Variants in SLC44A5 observed in about 807,000 individuals in gnomAD.
SLC44A5 encodes the protein choline transporter-like protein 5.
Under a neutral mutation model 101.8 loss-of-function variants are expected in SLC44A5, and 57 were observed. That is an observed-to-expected ratio of 0.56 (90% confidence interval 0.45 to 0.70). The LOEUF is 0.70. SLC44A5 is among the 30% of genes least tolerant of loss of function. The pLI is 0.00. For missense variants in SLC44A5, 737 were observed against 853.1 expected, an observed-to-expected ratio of 0.86 and a Z score of 1.70; for synonymous variants, 281 against 290.9, an observed-to-expected ratio of 0.97 and a Z score of 0.35.
chr1:75,565,856 T>C (rs1672758720), intron 1 of SLC44A5, among the ~76,000 whole-genome samples: 1 of 152,224 alleles, frequency 6.6e-6, no homozygotes, highest in Non-Finnish European at 1.5e-5. Flanking sequence ...TTACCTGGTA[T>C]GGATAGACCT....
the SLC44A5 span, among the ~76,000 whole-genome samples, chr1:75,666,427 T>C: frequency 6.6e-6 from 1 of 152,154 alleles, no homozygotes; most frequent in Non-Finnish European, 1.5e-5. Flanking sequence ...TAACATGTTC[T>C]GAAATTGAAG....
the SLC44A5 span, among the ~76,000 whole-genome samples, chr1:75,699,595 T>G: frequency 3.6e-4 from 44 of 123,410 alleles, no homozygotes; most frequent in Non-Finnish European, 6.4e-4. Flanking sequence ...CTGCACCAAT[T>G]AACGAAAAAA....
intron 1 of SLC44A5, chr1:75,582,295 AC>A (rs1570669834): frequency 6.5e-7 from 1 of 1,534,218 alleles, no homozygotes; most frequent in Non-Finnish European, 8.8e-7. Context: ...CCATGAGTGC[AC>A]GTGCAAAGGC....
chr1:75,483,923 C>A (rs957351542), intron 2 of SLC44A5, among the ~76,000 whole-genome samples: 5 of 152,014 alleles, frequency 3.3e-5, no homozygotes, highest in Non-Finnish European at 7.4e-5. Flanking sequence ...GTGGGAAGTG[C>A]CACACTTCAA....
At chr1:75,375,700 A>G (rs556448442) in intron 3 of SLC44A5, among the ~76,000 whole-genome samples, 3 of 152,250 alleles carry the variant, frequency 2.0e-5, no homozygotes, top group Admixed American at 6.5e-5. Flanking sequence ...TATTTTTAGC[A>G]TTCTTGAAGT....
At chr1:75,394,899 T>C (rs1662028728) in intron 3 of SLC44A5, among the ~76,000 whole-genome samples, 1 of 152,110 alleles carries the variant, frequency 6.6e-6, no homozygotes, top group Non-Finnish European at 1.5e-5. Flanking sequence ...TGTTTCCCTC[T>C]GCTGAGATGC....
At chr1:75,311,524 C>T (rs1655299812) in intron 4 of SLC44A5, 3 of 982,884 alleles carry the variant, frequency 3.1e-6, no homozygotes, top group Non-Finnish European at 3.6e-6. Context: ...ATTCAACTTA[C>T]ATAACAGGTA....
intron 4 of SLC44A5, among the ~76,000 whole-genome samples, chr1:75,302,312 G>A (rs1654553796): frequency 6.6e-6 from 1 of 151,918 alleles, no homozygotes; most frequent in Non-Finnish European, 1.5e-5. Flanking sequence ...GAAAAAACTA[G>A]AGCATAGATG....
chr1:75,663,513 G>T, the SLC44A5 span, among the ~76,000 whole-genome samples: 8 of 152,138 alleles, frequency 5.3e-5, no homozygotes, highest in East Asian at 1.5e-3. Flanking sequence ...GAAAGGATCT[G>T]CCTCAGAAAC....
At chr1:75,243,060 G>A in intron 7 of SLC44A5, 49 bp from the exon 8 acceptor site, 1 of 1,542,532 alleles carries the variant, frequency 6.5e-7, no homozygotes, top group East Asian at 2.4e-5. Context: ...AACAAACCCA[G>A]GAACTACCTA....
chr1:75,689,081 G>A, the SLC44A5 span, among the ~76,000 whole-genome samples: 1 of 152,138 alleles, frequency 6.6e-6, no homozygotes, highest in Non-Finnish European at 1.5e-5. Flanking sequence ...GACTAATCCT[G>A]AAACTAATAT....
At chr1:75,654,038 T>C in the SLC44A5 span, among the ~76,000 whole-genome samples, 1 of 152,214 alleles carries the variant, frequency 6.6e-6, no homozygotes, top group Non-Finnish European at 1.5e-5. Flanking sequence ...TAGAAATGGA[T>C]AGCATTCAGG....
intron 6 of SLC44A5, among the ~76,000 whole-genome samples, chr1:75,259,801 C>A (rs147777596): frequency 6.6e-6 from 1 of 152,100 alleles, no homozygotes; most frequent in Non-Finnish European, 1.5e-5. Flanking sequence ...TTACCCACAA[C>A]GGGAAGCCCA....
At chr1:75,311,511 A>G (rs1383198923) in intron 4 of SLC44A5, 15 of 975,528 alleles carry the variant, frequency 1.5e-5, no homozygotes, top group Non-Finnish European at 1.7e-5. Context: ...ACAAAGCACT[A>G]CAATTCAACT....
At chr1:75,249,341 G>GA (rs905253902) in intron 7 of SLC44A5, among the ~76,000 whole-genome samples, 47 of 152,176 alleles carry the variant, frequency 3.1e-4, no homozygotes, top group African/African-American at 8.9e-4. Flanking sequence ...TGTAATGCTA[G>GA]AAAAAATCAT....
intron 2 of SLC44A5, among the ~76,000 whole-genome samples, chr1:75,488,220 T>TTGGA (rs1411667985): frequency 6.6e-6 from 1 of 152,228 alleles, no homozygotes; most frequent in Admixed American, 6.5e-5. Context: ...TATAATGTGC[T>TTGGA]TGGATCATCC....
At chr1:75,710,780 T>C in the SLC44A5 span, among the ~76,000 whole-genome samples, 1 of 152,084 alleles carries the variant, frequency 6.6e-6, no homozygotes, top group Non-Finnish European at 1.5e-5. Flanking sequence ...ACTGTGAAGA[T>C]ACAGCTAGAC....
intron 1 of SLC44A5, among the ~76,000 whole-genome samples, chr1:75,606,250 C>T (rs1675320584): frequency 6.6e-6 from 1 of 151,940 alleles, no homozygotes; most frequent in Admixed American, 6.6e-5. Flanking sequence ...AAATCCATTT[C>T]TATACCTCTC....
At chr1:75,326,039 A>T (rs1656564879) in intron 4 of SLC44A5, among the ~76,000 whole-genome samples, 1 of 149,796 alleles carries the variant, frequency 6.7e-6, no homozygotes, top group Admixed American at 6.7e-5. Flanking sequence ...AAAAAGTTTC[A>T]GATTTTGAAG....
Sources: gnomAD v4.1 joint callset for allele counts (sites outside exome capture counted in the v4.1 genomes callset) on GRCh38, gnomAD v4.1.1 for gene constraint, MANE v1.5 for transcripts, NCBI Gene and HGNC (gene_info 2026-07-23, HGNC 2026-07-21) for gene names.